RTEL1: variants seen among roughly 807,000 people sequenced by gnomAD.
The protein encoded by RTEL1 is regulator of telomere length.
RTEL1 carries 86 observed loss-of-function variants against 162.2 expected under a neutral mutation model. The ratio of observed to expected loss-of-function variants is 0.53; its 90% CI spans 0.45 to 0.63. RTEL1 has a LOEUF of 0.63. RTEL1 is among the 30% of genes least tolerant of loss of function. The pLI, the probability that RTEL1 is intolerant of heterozygous loss-of-function variation, is 0.00. For synonymous variants in RTEL1, 958 were observed against 717.9 expected, an observed-to-expected ratio of 1.33 and a Z score of -5.35; for missense variants, 1,941 against 1,750.2, an observed-to-expected ratio of 1.11 and a Z score of -1.95.
At chr20:63,658,042 G>A (rs1471474150), upstream of RTEL1, 2 of 152,376 alleles carry the variant, frequency 1.3e-5, no homozygotes, top group African/African-American at 4.8e-5. Context: ...GGAGGCCCGT[G>A]CAGCTCTCCG....
rs1429610590 is a variant in RTEL1 at position 63,695,489 on chromosome 20, C to T, written c.3661C>T (p.His1221Tyr). The T allele has an allele frequency of 3.7e-6, 6 of 1,609,716 alleles. No individual in the cohort carries two copies. The South Asian group carries it at 5.5e-5, about 15-fold the overall frequency. Residue 1221 changes from histidine to tyrosine, a missense_variant, in exon 34 of 35, where the codon CAT becomes TAT. Transcript: ENST00000360203. ...TGCAGCATCTGAGTGGGGTGAGCCT[C>T]ATGGGAGAGACATCGCTGGGCAGCA... The part of the protein sequence containing the change: ...GPAASEWGEP[H>Y]GRDIAGQQAT...
intron 8 of RTEL1, 116 bp from the exon 9 acceptor site, chr20:63,672,440 C>G: frequency 2.4e-6 from 2 of 828,398 alleles, no homozygotes; most frequent in Non-Finnish European, 4.0e-6. Context: ...TCGACATCGC[C>G]GGCGCTGTTG....
intron 10 of RTEL1, among the ~76,000 whole-genome samples, chr20:63,676,799 G>C (rs1349047159): frequency 3.9e-5 from 6 of 152,180 alleles, no homozygotes; most frequent in Non-Finnish European, 7.4e-5. Context: ...GCCAGGTGTG[G>C]TGGTGCATGC....
intron 14 of RTEL1, among the ~76,000 whole-genome samples, chr20:63,684,816 A>G (rs998950422): frequency 6.6e-6 from 1 of 151,740 alleles, no homozygotes; most frequent in African/African-American, 2.4e-5. Flanking sequence ...TCCATAGTGC[A>G]TCTTGGAGTC....
rs2090186357 is a variant in RTEL1, at chr20:63,668,534, G to A, written c.699+981G>A. Among the ~76,000 whole-genome samples the A allele has an allele frequency of 1.3e-5, 2 of 152,204 alleles. No individual in the cohort carries two copies. The highest frequency in any genetic ancestry group is 2.9e-5 in the Non-Finnish European group (2 of 68,040). On this transcript the variant is annotated intron_variant, in intron 8 of 34. Transcript: ENST00000360203. This position sits in a 1 kb window ranked among gnomAD's most constrained non-coding sequence, Gnocchi z 4.3. Reference sequence around the variant, plus strand: ...AGCGGGCCCAAGTGCGATGTCGGCGGGAGGTGGGGAATGCTGGTGGGTCTG... The same window carrying A: ...AGCGGGCCCAAGTGCGATGTCGGCGAGAGGTGGGGAATGCTGGTGGGTCTG...
rs1044775877 is a variant in RTEL1 at position 63,668,309 on chromosome 20, C to T, written c.699+756C>T. Among the ~76,000 whole-genome samples, 11 of 152,146 alleles carry T rather than the reference C, an allele frequency of 7.2e-5. No individual in the cohort carries two copies. The highest frequency in any genetic ancestry group is 2.7e-4 in the African/African-American group (11 of 41,426). On this transcript the variant is annotated intron_variant, in intron 8 of 34. Coordinates refer to ENST00000360203, the MANE Select transcript of RTEL1 (RefSeq NM_001283009.2). The surrounding 1 kb of genome is among the most constrained non-coding windows in gnomAD (Gnocchi z 4.3). Reference sequence around the variant, plus strand: ...GCGTGGTGACGTTTCCAGATCCCGTCGTTGGTTCGCTCATTCTCGGGGTGT... The same window carrying T: ...GCGTGGTGACGTTTCCAGATCCCGTTGTTGGTTCGCTCATTCTCGGGGTGT...
In RTEL1 at chr20:63,682,608, A is replaced by T. The variant is rs1328833158; in HGVS notation, c.1191+1889A>T. ...CTGCCAGCCCTCGGGTGCCTGGAGG[A>T]TGAGGGACTGCACACAGTGCTCACC... is the stretch of plus-strand genomic sequence containing the variant. On this transcript the variant is annotated intron_variant, in intron 14 of 34. Transcript: ENST00000360203. 4 of 985,820 alleles carry T rather than the reference A, an allele frequency of 4.1e-6. No homozygotes were observed. The South Asian group carries it at 1.4e-4, about 35-fold the overall frequency. 61.1% of individuals were successfully genotyped at this position (985,820 alleles called of 1,614,324 possible).
chr20:63,693,075 G>C (rs367683582), intron 29 of RTEL1, 68 bp from the exon 30 acceptor site: 4 of 1,610,064 alleles, frequency 2.5e-6, no homozygotes, highest in Admixed American at 1.7e-5. Context: ...GGGCCATCTG[G>C]GTCCAAGGTG....
At chr20:63,691,058 C>A (rs974704669) in intron 27 of RTEL1, 111 bp downstream of exon 27, 1 of 1,192,812 alleles carries the variant, frequency 8.4e-7, no homozygotes, top group Non-Finnish European at 1.1e-6. Flanking sequence ...AAATCCCCTG[C>A]CTGGCAGGCA....
chr20:63,676,255 C>T (rs2090347046), intron 10 of RTEL1, among the ~76,000 whole-genome samples: 1 of 152,080 alleles, frequency 6.6e-6, no homozygotes, highest in African/African-American at 2.4e-5. Flanking sequence ...TGGCAGGGTC[C>T]ATTCTTTTCC....
chr20:63,679,986 GC>G, intron 13 of RTEL1, 40 bp downstream of exon 13: 1 of 1,457,088 alleles, frequency 6.9e-7, no homozygotes. Context: ...GGCAAATGTG[GC>G]GTAGGGGGTG....
Position 63,694,428 on chromosome 20 carries a change from G to A in RTEL1, c.3049G>A (p.Asp1017Asn), listed in dbSNP as rs61736617. ...TVSTAAAQQLDPQEHLNQGRP... is the reference protein window; with the variant it reads ...TVSTAAAQQLNPQEHLNQGRP... ...GTCCACGGCTGCAGCCCAGCAGCTG[G>A]ACCCCCAAGAGCACCTGAACCAGGG... is the stretch of plus-strand genomic sequence containing the variant. Residue 1017 changes from aspartate (D) to asparagine (N), a missense_variant, in exon 31 of 35, where the codon GAC (aspartate) becomes AAC (asparagine). Asp to Asn is a conservative substitution (Grantham distance 23). Coordinates refer to ENST00000360203, the MANE Select transcript of RTEL1 (RefSeq NM_001283009.2). The A allele has an allele frequency of 2.1e-4, 335 of 1,612,362 alleles. 1 individual carries two copies. In the African/African-American group the frequency reaches 3.6e-3, roughly 17 times the overall value.
chr20:63,666,873 T>C (rs1047145810), intron 7 of RTEL1, among the ~76,000 whole-genome samples: 3 of 133,202 alleles, frequency 2.3e-5, no homozygotes, highest in African/African-American at 8.5e-5. Context: ...GGAGTCTCGC[T>C]CTGTCGCCCA....
chr20:63,687,332 T>G, intron 16 of RTEL1: 2 of 319,314 alleles, frequency 6.3e-6, no homozygotes, highest in Non-Finnish European at 5.8e-6. Context: ...CTGAGCCGCA[T>G]GTCACAGTTT....
intron 10 of RTEL1, among the ~76,000 whole-genome samples, chr20:63,676,616 C>G (rs1380402970): frequency 1.3e-5 from 2 of 152,080 alleles, no homozygotes; most frequent in Non-Finnish European, 2.9e-5. Flanking sequence ...TGTGGTGATC[C>G]CATTCACACA....
In RTEL1 at chr20:63,689,638, C is replaced by T. The variant is rs1405025025; in HGVS notation, c.2015C>T (p.Ala672Val). ...FLDEMKGQGGAGGQFLSGQEW... is the reference protein window; with the variant it reads ...FLDEMKGQGGVGGQFLSGQEW... Reference sequence around the variant, plus strand: ...GATGAGATGAAGGGCCAGGGTGGGGCTGGGGGCCAGGTGAGTTACAGCAGG... The same window carrying T: ...GATGAGATGAAGGGCCAGGGTGGGGTTGGGGGCCAGGTGAGTTACAGCAGG... Residue 672 changes from alanine to valine, a missense_variant, in exon 23 of 35, where the codon GCT (alanine) becomes GTT (valine). Ala to Val is a moderately conservative substitution (Grantham distance 64). Transcript: ENST00000360203. The T allele has an allele frequency of 1.9e-6, 3 of 1,608,648 alleles. No individual in the cohort carries two copies. In the Admixed American group the frequency reaches 5.0e-5, roughly 27 times the overall value.
chr20:63,664,311 C>T (rs1008961904), intron 6 of RTEL1, among the ~76,000 whole-genome samples: 4 of 152,222 alleles, frequency 2.6e-5, no homozygotes, highest in Admixed American at 2.0e-4. Flanking sequence ...TCCCCAGTCC[C>T]ATGCAGCGGG....
chr20:63,687,499 C>A, intron 16 of RTEL1, 139 bp from the exon 17 acceptor site: 1 of 990,260 alleles, frequency 1.0e-6, no homozygotes, highest in Non-Finnish European at 1.5e-6. Context: ...CTGACTTCTG[C>A]ACAGTGGGCC....
At position 63,680,299 on chromosome 20, in the gene RTEL1, C is replaced by T. The variant is rs997599980; in HGVS notation, c.1135+353C>T. On this transcript the variant is annotated intron_variant, in intron 13 of 34. Transcript: ENST00000360203. ...GGGGTCCAGAGGCTTTGCCCAGAGG[C>T]GGTGTCCCCATGGGCTGCTCTGGTT... Among the ~76,000 whole-genome samples the T allele has an allele frequency of 5.3e-5, 8 of 152,228 alleles. No homozygotes were observed. The East Asian group carries it at 5.8e-4, about 11-fold the overall frequency.
Sources: gnomAD v4.1 joint callset for allele counts (sites outside exome capture counted in the v4.1 genomes callset) on GRCh38, gnomAD v4.1.1 for gene constraint, Gnocchi (gnomAD v3.1) non-coding constraint, MANE v1.5 for transcripts, NCBI Gene and HGNC (gene_info 2026-07-23, HGNC 2026-07-21) for gene names.